The following TTC29 variants were observed in gnomAD, a reference collection of about 807,000 sequenced individuals.
The protein encoded by TTC29 is tetratricopeptide repeat protein 29.
A neutral mutation model predicts 58.1 loss-of-function variants in TTC29; 49 were observed. That is an observed-to-expected ratio of 0.84 (90% CI 0.67 to 1.07). The LOEUF is 1.07. TTC29 is among the 50% of genes least tolerant of loss of function. TTC29 has a pLI of 0.00. For missense variants in TTC29, 582 were observed against 555.6 expected (o/e 1.05, Z -0.48); for synonymous variants, 209 against 196.8 (o/e 1.06, Z -0.52).
intron 6 of TTC29, among the ~76,000 whole-genome samples, chr4:146,881,849 T>C (rs1361817346): frequency 6.6e-6 from 1 of 152,056 alleles, no homozygotes; most frequent in Non-Finnish European, 1.5e-5. Context: ...TGTAACTCAA[T>C]AGCATCCCTA....
chr4:146,921,287 C>T (rs1348534420), intron 4 of TTC29, among the ~76,000 whole-genome samples: 4 of 151,192 alleles, frequency 2.6e-5, no homozygotes, highest in African/African-American at 9.7e-5. Context: ...CCTATCTAAA[C>T]ATTTAGAAAA....
At chr4:146,793,739 A>G (rs1159747775) in intron 11 of TTC29, among the ~76,000 whole-genome samples, 8 of 152,150 alleles carry the variant, frequency 5.3e-5, no homozygotes, top group Admixed American at 4.6e-4. Flanking sequence ...CTTATCTTTT[A>G]TAAATCATAT....
chr4:146,886,796 G>GA (rs1005332088), intron 6 of TTC29, among the ~76,000 whole-genome samples: 27 of 152,112 alleles, frequency 1.8e-4, no homozygotes, highest in South Asian at 1.2e-3. Flanking sequence ...TTGGGTAGTG[G>GA]AAAAAAACAG....
chr4:146,927,551 A>G (rs1233862206), intron 4 of TTC29, among the ~76,000 whole-genome samples: 2 of 152,128 alleles, frequency 1.3e-5, no homozygotes, highest in African/African-American at 2.4e-5. Context: ...CAATCTATAT[A>G]CTATCTGTAC....
At chr4:146,927,091 A>AG (rs1446285004) in intron 4 of TTC29, among the ~76,000 whole-genome samples, 2 of 151,668 alleles carry the variant, frequency 1.3e-5, no homozygotes, top group African/African-American at 4.8e-5. Context: ...AAAAAAAAAA[A>AG]AAAGAAAAAA....
At chr4:146,911,557 G>T (rs1037636882) in intron 4 of TTC29, among the ~76,000 whole-genome samples, 9 of 152,198 alleles carry the variant, frequency 5.9e-5, no homozygotes, top group African/African-American at 2.2e-4. Flanking sequence ...TGTGAAAAAT[G>T]GAGGTTTCTA....
intron 8 of TTC29, among the ~76,000 whole-genome samples, chr4:146,848,908 C>A (rs1729344531): frequency 6.6e-6 from 1 of 152,250 alleles, no homozygotes; most frequent in Admixed American, 6.5e-5. Flanking sequence ...GTTAAAGTGA[C>A]TGGACTTTTG....
chr4:146,841,453 AAAAC>A (rs1561178591), intron 8 of TTC29, among the ~76,000 whole-genome samples: 2 of 152,142 alleles, frequency 1.3e-5, no homozygotes, highest in Non-Finnish European at 2.9e-5. Context: ...CTGTGTGAAA[AAAAC>A]AAACAAGCAA....
chr4:146,884,775 A>T (rs1016324206), intron 6 of TTC29, among the ~76,000 whole-genome samples: 1 of 152,086 alleles, frequency 6.6e-6, no homozygotes, highest in African/African-American at 2.4e-5. Context: ...AGCTTTGGTC[A>T]TGACTCAGCT....
intron 8 of TTC29, among the ~76,000 whole-genome samples, chr4:146,845,886 A>G (rs79819792): frequency 0.032 from 4,825 of 151,390 alleles, 277 homozygotes; most frequent in African/African-American, 0.11. Context: ...TGTGAAACAT[A>G]TCTACTTATT....
chr4:146,809,160 G>C (rs1334228039), intron 10 of TTC29, among the ~76,000 whole-genome samples: 1 of 149,878 alleles, frequency 6.7e-6, no homozygotes, highest in Non-Finnish European at 1.5e-5. Context: ...TTAATAAATG[G>C]TGCTGGGAAA....
chr4:146,894,688 AAAATAAATAAAT>A (rs34060136), intron 6 of TTC29, among the ~76,000 whole-genome samples: 1 of 150,170 alleles, frequency 6.7e-6, no homozygotes. Flanking sequence ...AATAAAAAAT[AAAATAAATAAAT>A]AAATAAATAA....
chr4:146,894,968 T>C (rs893405689), intron 6 of TTC29, among the ~76,000 whole-genome samples: 2 of 152,192 alleles, frequency 1.3e-5, no homozygotes, highest in Admixed American at 1.3e-4. Flanking sequence ...TCAGCATCCA[T>C]TAGCTATTCT....
intron 4 of TTC29, among the ~76,000 whole-genome samples, chr4:146,920,749 C>A (rs1253365912): frequency 6.6e-6 from 1 of 150,998 alleles, no homozygotes; most frequent in Non-Finnish European, 1.5e-5. Flanking sequence ...AAGATGACTC[C>A]AGTTCTATAT....
chr4:146,751,737 C>A (rs544153444), intron 11 of TTC29, among the ~76,000 whole-genome samples: 1 of 152,020 alleles, frequency 6.6e-6, no homozygotes, highest in Non-Finnish European at 1.5e-5. Context: ...TAAACACTTA[C>A]ATTAAAAAAG....
intron 6 of TTC29, among the ~76,000 whole-genome samples, chr4:146,887,633 G>C (rs955614901): frequency 6.6e-6 from 1 of 152,020 alleles, no homozygotes; most frequent in Non-Finnish European, 1.5e-5. Context: ...GATCCAATAT[G>C]ACTCTAAAAT....
At chr4:146,834,938 G>C (rs1728409823) in intron 8 of TTC29, among the ~76,000 whole-genome samples, 1 of 152,062 alleles carries the variant, frequency 6.6e-6, no homozygotes, top group Non-Finnish European at 1.5e-5. Flanking sequence ...TAATACTGTT[G>C]TTAAAACTTA....
chr4:146,885,913 A>C (rs907999065), intron 6 of TTC29, among the ~76,000 whole-genome samples: 15 of 151,844 alleles, frequency 9.9e-5, no homozygotes, highest in Non-Finnish European at 2.1e-4. Flanking sequence ...ATTCAATTTG[A>C]TTTTTAGGAA....
chr4:146,737,140 T>C (rs555158388), intron 11 of TTC29, among the ~76,000 whole-genome samples: 14 of 152,226 alleles, frequency 9.2e-5, no homozygotes, highest in African/African-American at 3.4e-4. Context: ...GAAGCTCCTA[T>C]GTTTGGGTTT....
Sources: gnomAD v4.1 joint callset for allele counts (sites outside exome capture counted in the v4.1 genomes callset) on GRCh38, gnomAD v4.1.1 for gene constraint, MANE v1.5 for transcripts, NCBI Gene and HGNC (gene_info 2026-07-23, HGNC 2026-07-21) for gene names.